INPP1: variants seen among roughly 807,000 people sequenced by gnomAD.
The protein encoded by INPP1 is inositol polyphosphate 1-phosphatase.
In INPP1, 18 loss-of-function variants were observed where a neutral mutation model predicts 23.0. The observed-to-expected ratio is 0.78, with a 90% CI of 0.54 to 1.16. The LOEUF (loss-of-function observed/expected upper bound fraction) is 1.16. Ranked by LOEUF, INPP1 falls within the 50% of genes most tolerant of loss-of-function variation. The probability of loss-of-function intolerance (pLI) is 0.00; values close to 1 mark genes in which losing one functional copy is unlikely to be tolerated. For synonymous variants in INPP1, 164 were observed against 176.3 expected (o/e 0.93, Z 0.55); for missense variants, 448 against 482.1 (o/e 0.93, Z 0.66).
intron 4 of INPP1, among the ~76,000 whole-genome samples, chr2:190,364,399 G>A (rs1354445561): frequency 2.6e-5 from 4 of 151,830 alleles, no homozygotes; most frequent in East Asian, 4.0e-4. Context: ...AAAATTAGCC[G>A]GGCGTGGTGG....
rs55706833 is a variant in INPP1 at position 190,354,546 on chromosome 2, G to A, written c.-64-5493G>A. On this transcript the variant is annotated intron_variant, in intron 2 of 6. Transcript: ENST00000392329. The surrounding 1 kb of genome is among the most constrained non-coding windows in gnomAD (Gnocchi z 4.8). ...AGACATGCCAGAGATTAACGCCCAC[G>A]ATGGAAAGGCCAGGTGAGGCCACAA... Among the ~76,000 whole-genome samples the A allele has an allele frequency of 0.02, 3,063 of 152,282 alleles. 108 individuals carry two copies. The highest frequency in any genetic ancestry group is 0.069 in the African/African-American group (2,852 of 41,530).
intron 2 of INPP1, among the ~76,000 whole-genome samples, chr2:190,351,343 G>GA (rs1334805661): frequency 6.6e-6 from 1 of 152,152 alleles, no homozygotes; most frequent in East Asian, 1.9e-4. Context: ...CCTTTTTAGT[G>GA]AATTAGAAAT....
In INPP1 at chr2:190,364,686, A is replaced by AAGG. The variant is rs1165113300; in HGVS notation, c.265+1999_265+2000insAGG. ...GCTCACTGCAGCCTCCGCCTCCCAA[A>AAGG]TTCAAGCGATTCTCCTGCCTCAGCC... On this transcript the variant is annotated intron_variant, in intron 4 of 6. Transcript: ENST00000392329. Among the ~76,000 whole-genome samples the AAGG allele has an allele frequency of 4.3e-5, 6 of 138,734 alleles. No homozygotes were observed. In the East Asian group the frequency reaches 1.2e-3, roughly 28 times the overall value. The allele number at this position is 138,734 out of a possible 152,430, so 91.0% of individuals were successfully genotyped here. A position where few individuals can be genotyped will look rare whatever the true frequency, so the allele number is the denominator to read the frequency against.
intron 2 of INPP1, among the ~76,000 whole-genome samples, chr2:190,353,651 A>G (rs538040473): frequency 1.3e-5 from 2 of 152,332 alleles, no homozygotes; most frequent in South Asian, 2.1e-4. Context: ...ATTAATCTTT[A>G]TATTAAAGGT....
rs553872739 is a variant in INPP1 at position 190,352,323 on chromosome 2, C to T, written c.-65+3292C>T. On this transcript the variant is annotated intron_variant, in intron 2 of 6. Transcript: ENST00000392329. The surrounding 1 kb of genome is among the most constrained non-coding windows in gnomAD (Gnocchi z 4.7). ...ATGAGGTAATGACAGCAACATCACC[C>T]GGATCAACATGAAATAAGACCCAGG... Among the ~76,000 whole-genome samples, 13 of 152,200 alleles carry T rather than the reference C, an allele frequency of 8.5e-5. No homozygotes were observed. Among genetic ancestry groups the T allele is most frequent in the African/African-American group, 1.2e-4 (5 of 41,518 alleles).
intron 4 of INPP1, among the ~76,000 whole-genome samples, chr2:190,364,606 T>TTTTTTTTTTTGTTTG (rs796196740): frequency 1.0e-5 from 1 of 96,372 alleles, no homozygotes; most frequent in Non-Finnish European, 1.9e-5. Context: ...TTTTTTTTTT[T>TTTTTTTTTTTGTTTG]GTTAGATGGA....
Position 190,367,857 on chromosome 2 carries a change from C to T in INPP1, c.466+962C>T, listed in dbSNP as rs559943331. On this transcript the variant is annotated intron_variant, in intron 5 of 6. Transcript: ENST00000392329. This position sits in a 1 kb window ranked among gnomAD's most constrained non-coding sequence, Gnocchi z 4.1. ...CTAGGATGATTACAGGCATGACCTA[C>T]CATGCCCAGCCAGCCTTTATCTTCA... Among the ~76,000 whole-genome samples the T allele has an allele frequency of 4.7e-4, 72 of 152,162 alleles. No homozygotes were observed. Among genetic ancestry groups the T allele is most frequent in the Non-Finnish European group, 7.1e-4 (48 of 68,014 alleles).
chr2:190,366,665 G>A (rs1487456458), intron 4 of INPP1, 30 bp from the exon 5 acceptor site: 3 of 1,491,358 alleles, frequency 2.0e-6, no homozygotes, highest in African/African-American at 1.4e-5. Flanking sequence ...CTCTTGAAAT[G>A]TAATGGCTTA....
chr2:190,366,409 C>CTCTCACTCTG lies in INPP1; in HGVS notation c.266-256_266-247dup, dbSNP rs10601586. Among the ~76,000 whole-genome samples, 16 of 145,340 alleles carry CTCTCACTCTG rather than the reference C, an allele frequency of 1.1e-4. No individual in the cohort carries two copies. In the East Asian group the frequency reaches 1.5e-3, roughly 13 times the overall value. ...TCACTCTCCCTGTCTGTCTCTCTTG[C>CTCTCACTCTG]TCTCACTCTGTCTCACTCTGTCTCA... On this transcript the variant is annotated intron_variant, in intron 4 of 6. Coordinates refer to ENST00000392329, the MANE Select transcript of INPP1 (RefSeq NM_001128928.2).
In INPP1 at chr2:190,346,590, A is replaced by T. The variant is rs1689219904; in HGVS notation, c.-208-2298A>T. On this transcript the variant is annotated intron_variant, in intron 1 of 6. Coordinates refer to ENST00000392329, the MANE Select transcript of INPP1 (RefSeq NM_001128928.2). This position sits in a 1 kb window ranked among gnomAD's most constrained non-coding sequence, Gnocchi z 5.1. ...CTAGTAATCCACAGCAAAATATTGT[A>T]CCTAATAATTTCTCTTTCTTTTTTT... Among the ~76,000 whole-genome samples the T allele has an allele frequency of 6.6e-6, 1 of 152,158 alleles. No individual in the cohort carries two copies. Among genetic ancestry groups the T allele is most frequent in the East Asian group, 1.9e-4 (1 of 5,200 alleles).
intron 3 of INPP1, among the ~76,000 whole-genome samples, chr2:190,361,854 CTGCAAA>C (rs1254089239): frequency 6.6e-6 from 1 of 152,202 alleles, no homozygotes; most frequent in African/African-American, 2.4e-5. Context: ...TATTGGTCAT[CTGCAAA>C]TGACCGAGTT....
At position 190,350,433 on chromosome 2, in the gene INPP1, C is replaced by G. The variant is rs571111913; in HGVS notation, c.-65+1402C>G. ...TTGGATAAAAATCAGCTGACATTCCCCTTTCTAAAAGTCTCTATTTTTAAT... is the reference window on the plus strand; with the variant it reads ...TTGGATAAAAATCAGCTGACATTCCGCTTTCTAAAAGTCTCTATTTTTAAT... On this transcript the variant is annotated intron_variant, in intron 2 of 6. Transcript: ENST00000392329. 2.0e-5 allele frequency among the ~76,000 whole-genome samples: 3 copies of G among 152,306 alleles called. No homozygotes were observed. The East Asian group carries it at 5.8e-4, about 29-fold the overall frequency.
intron 3 of INPP1, 59 bp downstream of exon 3, chr2:190,360,365 CATAGA>C (rs770991200): frequency 7.6e-6 from 11 of 1,441,380 alleles, no homozygotes; most frequent in Non-Finnish European, 9.6e-6. Context: ...CTTTCTCCAT[CATAGA>C]ATAGCATGCC....
intron 1 of INPP1, among the ~76,000 whole-genome samples, chr2:190,347,219 G>T (rs1288858236): frequency 6.6e-6 from 1 of 151,770 alleles, no homozygotes. Context: ...CACAGTGTTA[G>T]CCAGGATGGT....
In INPP1 at chr2:190,345,886, C is replaced by A. The variant is rs927559283; in HGVS notation, c.-209+1925C>A. Among the ~76,000 whole-genome samples the A allele has an allele frequency of 2.6e-5, 4 of 152,142 alleles. No individual in the cohort carries two copies. Among genetic ancestry groups the A allele is most frequent in the Non-Finnish European group, 4.4e-5 (3 of 68,032 alleles). On this transcript the variant is annotated intron_variant, in intron 1 of 6. Transcript: ENST00000392329. This position sits in a 1 kb window ranked among gnomAD's most constrained non-coding sequence, Gnocchi z 4.9. ...GCAAGCACCTGTAGTCCCAGCTATT[C>A]AGGAGGCTGAGGCTGGAGGATCCCT...
At chr2:190,357,846 T>C (rs1689447243) in intron 2 of INPP1, among the ~76,000 whole-genome samples, 1 of 152,210 alleles carries the variant, frequency 6.6e-6, no homozygotes, top group Admixed American at 6.5e-5. Context: ...CTTTAAAACA[T>C]ATACAATAGT....
At position 190,355,045 on chromosome 2, in the gene INPP1, CAATT is replaced by C. The variant is rs1689397575; in HGVS notation, c.-64-4993_-64-4990del. On this transcript the variant is annotated intron_variant, in intron 2 of 6. Coordinates refer to ENST00000392329, the MANE Select transcript of INPP1 (RefSeq NM_001128928.2). This position sits in a 1 kb window ranked among gnomAD's most constrained non-coding sequence, Gnocchi z 5.1. ...GATTTTCCCTTATTTTAATAGTTAACAATTGATGAAAAGATTTCACTGGCTAGAG... is the reference window on the plus strand; with the variant it reads ...GATTTTCCCTTATTTTAATAGTTAACGATGAAAAGATTTCACTGGCTAGAG... 6.6e-6 allele frequency among the ~76,000 whole-genome samples: 1 copy of C among 150,582 alleles called. No individual in the cohort carries two copies. Among genetic ancestry groups the C allele is most frequent in the Admixed American group, 6.7e-5 (1 of 15,030 alleles).
Position 190,346,197 on chromosome 2 carries a change from G to A in INPP1, c.-209+2236G>A, listed in dbSNP as rs899608456. Among the ~76,000 whole-genome samples, 3 of 152,012 alleles carry A rather than the reference G, an allele frequency of 2.0e-5. No individual in the cohort carries two copies. Among genetic ancestry groups the A allele is most frequent in the African/African-American group, 7.2e-5 (3 of 41,384 alleles). On this transcript the variant is annotated intron_variant, in intron 1 of 6. Transcript: ENST00000392329. The surrounding 1 kb of genome is among the most constrained non-coding windows in gnomAD (Gnocchi z 5.1). ...AGACTTCCTGGATCAGAATTTCTAA[G>A]AGAAAGGAGATATTTCAAATAGACA...
intron 2 of INPP1, among the ~76,000 whole-genome samples, chr2:190,358,755 T>C (rs1002203020): frequency 2.0e-5 from 3 of 152,192 alleles, no homozygotes; most frequent in African/African-American, 7.2e-5. Context: ...AAATGAGAAC[T>C]GTTTCTCTCC....
Sources: allele counts gnomAD v4.1 joint callset (sites outside exome capture counted in the v4.1 genomes callset), GRCh38; gene constraint gnomAD v4.1.1; non-coding constraint Gnocchi (gnomAD v3.1); transcripts MANE v1.5; gene names NCBI Gene and HGNC (gene_info 2026-07-23, HGNC 2026-07-21).